The following PTGS1 variants were observed in gnomAD, a reference collection of about 807,000 sequenced individuals.
PTGS1 encodes the protein prostaglandin-endoperoxide synthase 1, also known as prostaglandin G/H synthase 1.
In PTGS1, 40 loss-of-function variants were observed where a neutral mutation model predicts 63.0. The ratio of observed to expected loss-of-function variants is 0.63; its 90% CI spans 0.49 to 0.83. The LOEUF is 0.83. PTGS1 is among the 40% of genes least tolerant of loss of function. The pLI, the probability that PTGS1 is intolerant of heterozygous loss-of-function variation, is 0.00. For missense variants in PTGS1, 709 were observed against 786.5 expected (o/e 0.90, Z 1.18); for synonymous variants, 298 against 301.9 (o/e 0.99, Z 0.13).
chr9:122,376,449 A>G (rs1837169916), intron 2 of PTGS1, among the ~76,000 whole-genome samples: 1 of 151,330 alleles, frequency 6.6e-6, no homozygotes, highest in Non-Finnish European at 1.5e-5. Context: ...TGCCCAGGTC[A>G]AGCCCTGTGC....
At chr9:122,383,057 A>T (rs1423023837) in intron 7 of PTGS1, among the ~76,000 whole-genome samples, 1 of 152,170 alleles carries the variant, frequency 6.6e-6, no homozygotes, top group Non-Finnish European at 1.5e-5. Context: ...GATGGAGCGT[A>T]AGAATGACTT....
chr9:122,391,025 G>A (rs1464743452), intron 10 of PTGS1, among the ~76,000 whole-genome samples: 1 of 151,998 alleles, frequency 6.6e-6, no homozygotes, highest in Admixed American at 6.6e-5. Context: ...GCCAAACCGT[G>A]TAGAATCTTG....
chr9:122,393,644 A>G lies in PTGS1; in HGVS notation c.*1100A>G, dbSNP rs891183186. The G allele has an allele frequency of 1.3e-5, 2 of 152,256 alleles. No individual in the cohort carries two copies. Among genetic ancestry groups the G allele is most frequent in the Non-Finnish European group, 2.9e-5 (2 of 68,068 alleles). 9.4% of individuals were successfully genotyped at this position (152,256 alleles called of 1,614,324 possible). A position where few individuals can be genotyped will look rare whatever the true frequency, so the allele number is the denominator to read the frequency against. The stretch of plus-strand genomic sequence containing the variant: ...GGAGGAGAGCACATACTGTGTTCCA[A>G]TTTCACGCTTTTAATTCTCATTTGT... On this transcript the variant is annotated 3_prime_UTR_variant, in exon 11 of 11. Transcript: ENST00000362012.
At position 122,377,837 on chromosome 9, in the gene PTGS1, G is replaced by A. The variant is rs1837267242; in HGVS notation, c.95-62G>A. On this transcript the variant is annotated intron_variant, in intron 2 of 10. Coordinates refer to ENST00000362012, the MANE Select transcript of PTGS1 (RefSeq NM_000962.4). ...TCTGGCCCCTCATTCCCCCATCAGG[G>A]GCTAGATGGGGGTCAGGAGGCCACC... The A allele has an allele frequency of 5.7e-6, 8 of 1,394,486 alleles. No homozygotes were observed. The Admixed American group carries it at 1.2e-4, about 21-fold the overall frequency. 86.4% of individuals were successfully genotyped at this position (1,394,486 alleles called of 1,614,324 possible).
rs916280427 is a variant in PTGS1, at chr9:122,381,611, T to C, written c.679-53T>C. 2.5e-6 allele frequency: 4 copies of C among 1,612,928 alleles called. No individual in the cohort carries two copies. The African/African-American group carries it at 5.3e-5, about 22-fold the overall frequency. ...GACCTAATTTGGCACGCGTATGTCA[T>C]CGACAGTGGGCCGGCACCCTGGTGA... On this transcript the variant is annotated intron_variant, in intron 6 of 10. Transcript: ENST00000362012.
intron 2 of PTGS1, among the ~76,000 whole-genome samples, chr9:122,372,247 G>T (rs115729074): frequency 2.6e-5 from 4 of 152,148 alleles, no homozygotes; most frequent in Non-Finnish European, 5.9e-5. Context: ...GATCTGGTGC[G>T]TGGGGGAAAG....
chr9:122,383,669 A>T lies in PTGS1; in HGVS notation c.923A>T (p.His308Leu). ...MLYATLWLREHNRVCDLLKAE... is the reference protein window; with the variant it reads ...MLYATLWLRELNRVCDLLKAE... ...TATGCCACGCTCTGGCTACGTGAGCACAACCGTGTGTGTGACCTGCTGAAG... is the reference window on the plus strand; with the variant it reads ...TATGCCACGCTCTGGCTACGTGAGCTCAACCGTGTGTGTGACCTGCTGAAG... Residue 308 changes from histidine (H) to leucine (L), a missense_variant, in exon 8 of 11, where the codon CAC becomes CTC. By Grantham distance (99) the His-to-Leu change is moderately conservative (BLOSUM62 -3). Transcript: ENST00000362012. 6.2e-7 allele frequency: 1 copy of T among 1,614,110 alleles called. No individual in the cohort carries two copies. The highest frequency in any genetic ancestry group is 8.5e-7 in the Non-Finnish European group (1 of 1,179,984).
chr9:122,391,374 T>TATATATATATAC (rs1287269555), intron 10 of PTGS1, among the ~76,000 whole-genome samples: 3 of 81,460 alleles, frequency 3.7e-5, no homozygotes, highest in Middle Eastern at 5.7e-3. Flanking sequence ...TATATATACA[T>TATATATATATAC]ATATATATAT....
At chr9:122,391,530 A>G (rs1357590882) in intron 10 of PTGS1, among the ~76,000 whole-genome samples, 2 of 150,238 alleles carry the variant, frequency 1.3e-5, no homozygotes, top group South Asian at 4.2e-4. Context: ...CAGGTGTGAC[A>G]TGGCCCATGA....
At position 122,383,496 on chromosome 9, in the gene PTGS1, C is replaced by T; in HGVS notation, c.763-13C>T. On this transcript the variant is annotated splice_polypyrimidine_tract_variant and intron_variant, in intron 7 of 10. Coordinates refer to ENST00000362012, the MANE Select transcript of PTGS1 (RefSeq NM_000962.4). ...CCCCCAACCCCAGGTTGCCAGGTGG[C>T]CCCATCCCACAGGTGCTGGATGGAG... The T allele has an allele frequency of 6.3e-7, 1 of 1,586,330 alleles. No individual in the cohort carries two copies. Among genetic ancestry groups the T allele is most frequent in the Non-Finnish European group, 8.6e-7 (1 of 1,159,752 alleles).
rs930626795 is a variant in PTGS1 at position 122,378,146 on chromosome 9, C to T, written c.211+131C>T. 8.5e-5 allele frequency: 82 copies of T among 965,650 alleles called. No individual in the cohort carries two copies. The African/African-American group carries it at 1.2e-3, about 14-fold the overall frequency. The allele number at this position is 965,650 out of a possible 1,614,324, so 59.8% of individuals were successfully genotyped here. A position where few individuals can be genotyped will look rare whatever the true frequency, so the allele number is the denominator to read the frequency against. On this transcript the variant is annotated intron_variant, in intron 3 of 10. Transcript: ENST00000362012. ...TGTTCTCCTTCCTTGCCTGGTTCTG[C>T]CCCTCTCCCTGACCTGGCTTCAGCA...
intron 8 of PTGS1, among the ~76,000 whole-genome samples, chr9:122,384,747 G>A (rs1029014028): frequency 8.5e-5 from 13 of 152,134 alleles, no homozygotes; most frequent in Non-Finnish European, 2.9e-5. Flanking sequence ...CACAAAGGGG[G>A]CTCTTCTTGA....
chr9:122,388,133 G>A (rs1289423272), intron 9 of PTGS1, among the ~76,000 whole-genome samples: 3 of 152,354 alleles, frequency 2.0e-5, no homozygotes, highest in Admixed American at 1.3e-4. Context: ...GATGATGTAC[G>A]TGAAAAGCCC....
chr9:122,392,473 G>A lies in PTGS1; in HGVS notation c.1729G>A (p.Val577Ile), dbSNP rs533328230. The change falls in exon 11 of 11, where the codon GTT (valine) becomes ATT (isoleucine). Residue 577 changes from valine (V) to isoleucine (I), a missense_variant. By Grantham distance (29) the Val-to-Ile change is conservative. Transcript: ENST00000362012. ...VCLNTKTCPY[V>I]SFRVPDASQD... ...CCTCAACACCAAGACCTGTCCCTAC[G>A]TTTCCTTCCGTGTGCCGGATGCCAG... 1.9e-5 allele frequency: 30 copies of A among 1,614,134 alleles called. No individual in the cohort carries two copies. In the South Asian group the frequency reaches 2.0e-4, roughly 11 times the overall value.
Position 122,391,113 on chromosome 9 carries a change from A to G in PTGS1, c.1444+768A>G, listed in dbSNP as rs540323749. On this transcript the variant is annotated intron_variant, in intron 10 of 10. Transcript: ENST00000362012. ...CCACTTACGGGCCAGCTGCATAAAA[A>G]TCATTTAGAAAGCTGATTAAGATAC... Among the ~76,000 whole-genome samples the G allele has an allele frequency of 2.6e-5, 4 of 151,600 alleles. No homozygotes were observed. In the East Asian group the frequency reaches 7.8e-4, roughly 30 times the overall value.
intron 1 of PTGS1, 33 bp downstream of exon 1, chr9:122,371,124 T>C: frequency 6.2e-7 from 1 of 1,605,952 alleles, no homozygotes; most frequent in Non-Finnish European, 8.5e-7. Flanking sequence ...GTGGGGAATT[T>C]TCTTGGCCTC....
intron 5 of PTGS1, among the ~76,000 whole-genome samples, chr9:122,379,460 A>G (rs542180711): frequency 3.9e-5 from 6 of 152,338 alleles, no homozygotes; most frequent in African/African-American, 1.4e-4. Context: ...AGCATCAAGT[A>G]CAGAGAGGAC....
At chr9:122,383,097 C>T (rs926737428) in intron 7 of PTGS1, among the ~76,000 whole-genome samples, 11 of 150,440 alleles carry the variant, frequency 7.3e-5, no homozygotes, top group African/African-American at 2.7e-4. Flanking sequence ...CTGTGGGGAC[C>T]GTGTTAAGGA....
intron 7 of PTGS1, 25 bp downstream of exon 7, chr9:122,381,772 CA>C (rs1486194883): frequency 6.2e-7 from 1 of 1,601,584 alleles, no homozygotes; most frequent in Non-Finnish European, 8.5e-7. Context: ...GGGGGTAGGG[CA>C]GAGGGAGGGG....
Sources: allele counts gnomAD v4.1 joint callset (sites outside exome capture counted in the v4.1 genomes callset), GRCh38; gene constraint gnomAD v4.1.1; transcripts MANE v1.5; gene names NCBI Gene and HGNC (gene_info 2026-07-23, HGNC 2026-07-21).